WDHD1: variants seen among roughly 807,000 people sequenced by gnomAD.
The protein encoded by WDHD1 is WD repeat and HMG-box DNA-binding protein 1.
Under a neutral mutation model 135.4 loss-of-function variants are expected in WDHD1, and 111 were observed. That is an observed-to-expected ratio of 0.82 (90% CI 0.70 to 0.96). The LOEUF (loss-of-function observed/expected upper bound fraction) is 0.96, where lower values mean the gene tolerates loss of function less well. Ranked by LOEUF, WDHD1 falls within the 40% of genes least tolerant of loss-of-function variation. The pLI is 0.00. For synonymous variants in WDHD1, 434 were observed against 439.0 expected (o/e 0.99, Z 0.14); for missense variants, 1,351 against 1,336.3 (o/e 1.01, Z -0.17).
rs1244356535 is a variant in WDHD1, at chr14:54,972,573, AAAAAAAAAAAAAAAAAAT to A, written c.2064-5197_2064-5180del. Among the ~76,000 whole-genome samples the A allele has an allele frequency of 1.0e-4, 14 of 138,530 alleles. 1 individual carries two copies. Among genetic ancestry groups the A allele is most frequent in the African/African-American group, 4.1e-4 (14 of 33,880 alleles). 90.9% of individuals were successfully genotyped at this position (138,530 alleles called of 152,430 possible). On this transcript the variant is annotated intron_variant, in intron 16 of 25. Coordinates refer to ENST00000360586, the MANE Select transcript of WDHD1 (RefSeq NM_007086.4). ...TGTCACAAAAAAAAAAAAAAAAAAA[AAAAAAAAAAAAAAAAAAT>A]GCCAATGAGGCATATTCACTTTCAT...
chr14:55,003,386 C>A (rs2042007416), intron 7 of WDHD1, among the ~76,000 whole-genome samples: 1 of 151,824 alleles, frequency 6.6e-6, no homozygotes, highest in African/African-American at 2.4e-5. Flanking sequence ...GGGCGCGTGC[C>A]TCTAGTCCCA....
intron 24 of WDHD1, among the ~76,000 whole-genome samples, chr14:54,948,991 C>T (rs1406606638): frequency 2.0e-5 from 3 of 152,108 alleles, no homozygotes; most frequent in South Asian, 4.2e-4. Context: ...CATACCAAAA[C>T]CCCATGTGTA....
chr14:54,961,705 A>G (rs2041254235), intron 21 of WDHD1, among the ~76,000 whole-genome samples: 1 of 152,190 alleles, frequency 6.6e-6, no homozygotes, highest in Admixed American at 6.5e-5. Context: ...AATCAAAGTA[A>G]CATATGTCCA....
intron 17 of WDHD1, among the ~76,000 whole-genome samples, chr14:54,966,835 G>C (rs1015405762): frequency 6.6e-6 from 1 of 152,166 alleles, no homozygotes; most frequent in African/African-American, 2.4e-5. Flanking sequence ...CAGTTTCCTA[G>C]CTATCATAAT....
intron 16 of WDHD1, among the ~76,000 whole-genome samples, chr14:54,976,265 CCTT>C (rs974554845): frequency 1.2e-4 from 18 of 152,250 alleles, no homozygotes; most frequent in African/African-American, 4.3e-4. Context: ...GACAAAGTCT[CCTT>C]CTGTCACGCA....
At chr14:54,984,077 GTT>G (rs2041660336) in intron 15 of WDHD1, among the ~76,000 whole-genome samples, 1 of 152,096 alleles carries the variant, frequency 6.6e-6, no homozygotes, top group Non-Finnish European at 1.5e-5. Context: ...AAAATTCTAA[GTT>G]TTCTGTATGA....
chr14:54,972,919 C>T (rs1038432124), intron 16 of WDHD1, among the ~76,000 whole-genome samples: 6 of 152,174 alleles, frequency 3.9e-5, no homozygotes, highest in African/African-American at 9.7e-5. Context: ...AACAGGTCAA[C>T]GGGGCAAAGA....
chr14:55,010,262 C>G lies in WDHD1; in HGVS notation c.341+47G>C, dbSNP rs760795036. 2.8e-6 allele frequency: 4 copies of G among 1,451,150 alleles called. No homozygotes were observed. In the Admixed American group the frequency reaches 9.8e-5, roughly 35 times the overall value. 89.9% of individuals were successfully genotyped at this position (1,451,150 alleles called of 1,614,324 possible). On this transcript the variant is annotated intron_variant, in intron 4 of 25. Transcript: ENST00000360586. ...ACTACCCTGAAACAAATAAACAAGG[C>G]CTTTTGTTCTAACATTATTTCCTTT...
chr14:55,001,120 A>G (rs940971465), intron 8 of WDHD1, 128 bp from the exon 9 acceptor site: 4 of 497,290 alleles, frequency 8.0e-6, no homozygotes, highest in African/African-American at 8.0e-5. Context: ...CCAAATTCAA[A>G]TTTTTATATC....
chr14:54,987,735 T>C (rs2041716661), intron 13 of WDHD1, among the ~76,000 whole-genome samples: 1 of 152,152 alleles, frequency 6.6e-6, no homozygotes, highest in African/African-American at 2.4e-5. Context: ...TTCTCCTGTC[T>C]CTTGCCTCAG....
At chr14:55,007,238 A>AAT in intron 7 of WDHD1, 42 bp downstream of exon 7, 1 of 1,461,382 alleles carries the variant, frequency 6.8e-7, no homozygotes, top group Non-Finnish European at 9.2e-7. Context: ...TAATAAAAAA[A>AAT]AAAAAAAAAA....
chr14:55,011,987 T>C (rs1185301107), intron 3 of WDHD1, among the ~76,000 whole-genome samples: 1 of 151,954 alleles, frequency 6.6e-6, no homozygotes, highest in Non-Finnish European at 1.5e-5. Flanking sequence ...ATACACGGTA[T>C]CAATTTGCTC....
chr14:54,956,856 C>G (rs1288364425), intron 23 of WDHD1, among the ~76,000 whole-genome samples, 178 bp downstream of exon 23: 2 of 152,144 alleles, frequency 1.3e-5, no homozygotes, highest in Non-Finnish European at 2.9e-5. Flanking sequence ...TCCTGAGTAT[C>G]TGGGACTACA....
chr14:54,990,835 T>C (rs77234669), intron 12 of WDHD1, among the ~76,000 whole-genome samples: 4,353 of 152,246 alleles, frequency 0.029, 199 homozygotes, highest in African/African-American at 0.099. Flanking sequence ...TATATTATAC[T>C]AGTAGTTGCC....
At chr14:54,964,194 G>T (rs989172103) in intron 18 of WDHD1, among the ~76,000 whole-genome samples, 9 of 152,158 alleles carry the variant, frequency 5.9e-5, no homozygotes, top group Non-Finnish European at 1.0e-4. Flanking sequence ...TAGTGTATTA[G>T]AACTATTTTC....
intron 21 of WDHD1, among the ~76,000 whole-genome samples, chr14:54,959,532 G>C (rs1566711440): frequency 6.6e-6 from 1 of 152,100 alleles, no homozygotes; most frequent in Non-Finnish European, 1.5e-5. Flanking sequence ...GGAGGCTAAG[G>C]CAGGAGGGTC....
chr14:54,988,927 C>CA (rs2041739457), intron 13 of WDHD1, 101 bp downstream of exon 13: 3 of 1,120,404 alleles, frequency 2.7e-6, no homozygotes, highest in African/African-American at 1.6e-5. Context: ...TTTCATATTA[C>CA]AAAAAATAAA....
chr14:54,944,849 C>T (rs2040896721), intron 24 of WDHD1, among the ~76,000 whole-genome samples: 1 of 152,110 alleles, frequency 6.6e-6, no homozygotes, highest in Admixed American at 6.6e-5. Context: ...CTCACGTGAT[C>T]TGCCCGCCTC....
intron 16 of WDHD1, among the ~76,000 whole-genome samples, chr14:54,980,279 G>A (rs1054151369): frequency 3.3e-4 from 50 of 151,926 alleles, no homozygotes; most frequent in African/African-American, 1.2e-3. Flanking sequence ...AGACATAATC[G>A]GGCCACTGTG....
Sources: gnomAD v4.1 joint callset for allele counts (sites outside exome capture counted in the v4.1 genomes callset) on GRCh38, gnomAD v4.1.1 for gene constraint, MANE v1.5 for transcripts, NCBI Gene and HGNC (gene_info 2026-07-23, HGNC 2026-07-21) for gene names.